PAK5: variants seen among roughly 807,000 people sequenced by gnomAD.
The protein encoded by PAK5 is p21 (RAC1) activated kinase 5.
PAK5 carries 16 observed loss-of-function variants against 65.9 expected under a neutral mutation model. The observed-to-expected ratio is 0.24, with a 90% CI of 0.16 to 0.37. The LOEUF (loss-of-function observed/expected upper bound fraction) is 0.37, where lower values mean the gene tolerates loss of function less well. Ranked by LOEUF, PAK5 falls within the 10% of genes least tolerant of loss-of-function variation. The pLI is 1.00. For synonymous variants in PAK5, 371 were observed against 354.9 expected, an observed-to-expected ratio of 1.05 and a Z score of -0.51; for missense variants, 785 against 903.9, an observed-to-expected ratio of 0.87 and a Z score of 1.69.
chr20:9,666,390 A>G (rs1235062944), intron 2 of PAK5, among the ~76,000 whole-genome samples: 1 of 151,418 alleles, frequency 6.6e-6, no homozygotes, highest in Non-Finnish European at 1.5e-5. Context: ...GAACTTGGAA[A>G]AAAAAAAAAA....
intron 1 of PAK5, among the ~76,000 whole-genome samples, chr20:9,805,906 C>T (rs1037471110): frequency 6.6e-6 from 1 of 152,132 alleles, no homozygotes; most frequent in African/African-American, 2.4e-5. Context: ...GGTAGTAGCA[C>T]TACCAAAGAA....
At chr20:9,779,523 G>A (rs2048920098) in intron 1 of PAK5, among the ~76,000 whole-genome samples, 1 of 150,318 alleles carries the variant, frequency 6.7e-6, no homozygotes. Flanking sequence ...CAGATTTGAT[G>A]CTTCATAAAA....
chr20:9,660,166 T>A (rs2047325253), intron 2 of PAK5, among the ~76,000 whole-genome samples: 1 of 151,972 alleles, frequency 6.6e-6, no homozygotes, highest in African/African-American at 2.4e-5. Context: ...AACCTGAGGA[T>A]AATCCTGGCA....
At chr20:9,606,127 G>T (rs2046449710) in intron 3 of PAK5, among the ~76,000 whole-genome samples, 1 of 152,120 alleles carries the variant, frequency 6.6e-6, no homozygotes, top group Non-Finnish European at 1.5e-5. Context: ...CATGGGGGGT[G>T]AACTTCTCAT....
At chr20:9,636,034 TGA>T (rs2046979525) in intron 3 of PAK5, among the ~76,000 whole-genome samples, 1 of 152,220 alleles carries the variant, frequency 6.6e-6, no homozygotes, top group South Asian at 2.1e-4. Context: ...GGCTTAATTC[TGA>T]CCAACAAGGA....
chr20:9,590,543 G>A (rs1453515359), intron 3 of PAK5, among the ~76,000 whole-genome samples: 1 of 151,568 alleles, frequency 6.6e-6, no homozygotes, highest in Non-Finnish European at 1.5e-5. Context: ...GAAAAAGTTT[G>A]CTGAACCCTG....
At chr20:9,542,967 T>A (rs971481326) in intron 8 of PAK5, among the ~76,000 whole-genome samples, 11 of 152,188 alleles carry the variant, frequency 7.2e-5, no homozygotes, top group African/African-American at 2.7e-4. Context: ...CATTCTAAAG[T>A]TTAGTGCTTT....
At chr20:9,585,086 T>G (rs1396344330) in intron 3 of PAK5, among the ~76,000 whole-genome samples, 1 of 152,226 alleles carries the variant, frequency 6.6e-6, no homozygotes, top group Non-Finnish European at 1.5e-5. Flanking sequence ...CTTAACTATA[T>G]TAGATTTTTT....
At chr20:9,633,227 G>A (rs1263944760) in intron 3 of PAK5, among the ~76,000 whole-genome samples, 1 of 152,154 alleles carries the variant, frequency 6.6e-6, no homozygotes, top group Non-Finnish European at 1.5e-5. Flanking sequence ...TCCATTAGAA[G>A]TCTGCTCACA....
intron 6 of PAK5, among the ~76,000 whole-genome samples, chr20:9,558,637 TC>T (rs1411391362): frequency 2.6e-5 from 4 of 152,160 alleles, no homozygotes; most frequent in Non-Finnish European, 5.9e-5. Context: ...TCTCTAATCC[TC>T]CCTCTGGGAC....
chr20:9,725,925 A>T (rs977622095), intron 1 of PAK5, among the ~76,000 whole-genome samples: 3 of 152,146 alleles, frequency 2.0e-5, no homozygotes, highest in Non-Finnish European at 2.9e-5. Context: ...GGCATTTTTT[A>T]AAATTTCAGT....
At chr20:9,702,356 C>A (rs1569048386) in intron 2 of PAK5, among the ~76,000 whole-genome samples, 1 of 152,096 alleles carries the variant, frequency 6.6e-6, no homozygotes, top group Non-Finnish European at 1.5e-5. Context: ...AGGATTCCTG[C>A]ATGCTTGCAT....
chr20:9,770,252 G>A (rs545227233), intron 1 of PAK5, among the ~76,000 whole-genome samples: 4 of 152,244 alleles, frequency 2.6e-5, no homozygotes, highest in East Asian at 1.9e-4. Context: ...GAACATGAGC[G>A]CAGATGAGTG....
At chr20:9,750,879 C>T (rs2048568565) in intron 1 of PAK5, among the ~76,000 whole-genome samples, 1 of 152,282 alleles carries the variant, frequency 6.6e-6, no homozygotes, top group South Asian at 2.1e-4. Flanking sequence ...TCCTGCTCCA[C>T]TTCTTTACAT....
At chr20:9,685,756 T>C (rs2047710778) in intron 2 of PAK5, among the ~76,000 whole-genome samples, 3 of 152,226 alleles carry the variant, frequency 2.0e-5, no homozygotes, top group Admixed American at 6.5e-5. Flanking sequence ...GGTGATATGG[T>C]ACTCATAGCA....
Position 9,538,535 on chromosome 20 carries a change from C to T in PAK5, c.*927G>A, listed in dbSNP as rs1194127732. On this transcript the variant is annotated 3_prime_UTR_variant, in exon 10 of 10. Coordinates refer to ENST00000353224, the MANE Select transcript of PAK5 (RefSeq NM_177990.4). ...GGAACTGAATCCAATGATCCTAGCACTGAAATTGCTCCCTGGGAGGGAAAT... is the reference window on the plus strand; with the variant it reads ...GGAACTGAATCCAATGATCCTAGCATTGAAATTGCTCCCTGGGAGGGAAAT... 2.1e-5 allele frequency: 5 copies of T among 233,256 alleles called. No homozygotes were observed. Among genetic ancestry groups the T allele is most frequent in the Non-Finnish European group, 3.4e-5 (4 of 117,944 alleles). The allele number at this position is 233,256 out of a possible 1,614,324, so 14.4% of individuals were successfully genotyped here.
At chr20:9,792,673 T>A (rs2049062181) in intron 1 of PAK5, among the ~76,000 whole-genome samples, 1 of 152,092 alleles carries the variant, frequency 6.6e-6, no homozygotes, top group Non-Finnish European at 1.5e-5. Flanking sequence ...AGAAAAATAT[T>A]TGAATAGAAA....
At chr20:9,583,455 C>A (rs1163734041) in intron 3 of PAK5, among the ~76,000 whole-genome samples, 4 of 152,184 alleles carry the variant, frequency 2.6e-5, no homozygotes, top group African/African-American at 9.7e-5. Flanking sequence ...TTTAAAATTC[C>A]TTTACACTTA....
At chr20:9,562,767 A>T (rs2122976971) in intron 6 of PAK5, 124 bp downstream of exon 6, 1 of 771,750 alleles carries the variant, frequency 1.3e-6, no homozygotes, top group East Asian at 2.5e-5. Context: ...ATGTAGGGGA[A>T]AGGGTAGTCA....
Sources: gnomAD v4.1 joint callset for allele counts (sites outside exome capture counted in the v4.1 genomes callset) on GRCh38, gnomAD v4.1.1 for gene constraint, MANE v1.5 for transcripts, NCBI Gene and HGNC (gene_info 2026-07-23, HGNC 2026-07-21) for gene names.